RRN3: variants seen among roughly 807,000 people sequenced by gnomAD.
RRN3 encodes RNA polymerase I-specific transcription initiation factor RRN3.
In RRN3, 38 loss-of-function variants were observed where a neutral mutation model predicts 82.3. The observed-to-expected ratio is 0.46, with a 90% CI of 0.36 to 0.61. The LOEUF is 0.61. Ranked by LOEUF, RRN3 falls within the 20% of genes least tolerant of loss-of-function variation. The probability of loss-of-function intolerance (pLI) is 0.00; values close to 1 mark genes in which losing one functional copy is unlikely to be tolerated. For missense variants in RRN3, 726 were observed against 793.1 expected, an observed-to-expected ratio of 0.92 and a Z score of 1.02; for synonymous variants, 284 against 284.3, an observed-to-expected ratio of 1.00 and a Z score of 0.01.
rs749684452 is a variant in RRN3, at chr16:15,065,385, A to G, written c.1554-14T>C. ...AGCTGGTACTTACTGTGGAACAAAA[A>G]AACAACACAGACAGAGGCATTAACA... is the stretch of plus-strand genomic sequence containing the variant. On this transcript the variant is annotated splice_polypyrimidine_tract_variant and intron_variant, in intron 15 of 17. Transcript: ENST00000198767. 6.2e-7 allele frequency: 1 copy of G among 1,611,382 alleles called. No individual in the cohort carries two copies. Among genetic ancestry groups the G allele is most frequent in the South Asian group, 1.1e-5 (1 of 90,928 alleles).
At chr16:15,083,805 C>T (rs1462206010) in intron 7 of RRN3, 2 of 440,502 alleles carry the variant, frequency 4.5e-6, no homozygotes, top group African/African-American at 2.1e-5. Flanking sequence ...CAACCTCCGC[C>T]TCCCAGGTTC....
In RRN3 at chr16:15,061,022, T is replaced by C. The variant is rs2044691147; in HGVS notation, c.*722A>G. On this transcript the variant is annotated 3_prime_UTR_variant, in exon 18 of 18. Transcript: ENST00000198767. ...TTACATCTACCTGGACCTCCATTTT[T>C]GTCTTTTAAATCCATTTTTTCGCTG... is the stretch of plus-strand genomic sequence containing the variant. 6.6e-6 allele frequency: 1 copy of C among 152,246 alleles called. No individual in the cohort carries two copies. Among genetic ancestry groups the C allele is most frequent in the Non-Finnish European group, 1.5e-5 (1 of 68,054 alleles). The allele number at this position is 152,246 out of a possible 1,614,324, so 9.4% of individuals were successfully genotyped here. A position where few individuals can be genotyped will look rare whatever the true frequency, so the allele number is the denominator to read the frequency against.
intron 9 of RRN3, among the ~76,000 whole-genome samples, chr16:15,079,172 A>T (rs56181684): frequency 2.6e-5 from 4 of 151,416 alleles, no homozygotes; most frequent in Admixed American, 2.0e-4. Context: ...CAGGGAGCAA[A>T]GTTGAAGGAT....
intron 3 of RRN3, among the ~76,000 whole-genome samples, chr16:15,089,196 T>A (rs1028872071): frequency 1.3e-5 from 2 of 151,032 alleles, no homozygotes; most frequent in Non-Finnish European, 3.0e-5. Context: ...GAGGCTGAGG[T>A]GGGAGGATGG....
chr16:15,092,552 C>T lies in RRN3; in HGVS notation c.152G>A (p.Arg51Gln), dbSNP rs757785089. The T allele has an allele frequency of 2.5e-6, 4 of 1,613,620 alleles. No homozygotes were observed. The South Asian group carries it at 3.3e-5, about 13-fold the overall frequency. The change falls in exon 2 of 18, where the codon CGG (arginine) becomes CAG (glutamine). Residue 51 changes from arginine to glutamine, a missense_variant. Physicochemically the swap from Arg to Gln is conservative, Grantham distance 43 (BLOSUM62 1). Coordinates refer to ENST00000198767, the MANE Select transcript of RRN3 (RefSeq NM_018427.5). The stretch of plus-strand genomic sequence containing the variant: ...GACTTCTGTCACAGTTCCACCAAAC[C>T]GAACAGTTTTTCTTGGGGGAGAATT... ...FFNSPPRKTV[R>Q]FGGTVTEVLL...
Position 15,092,583 on chromosome 16 carries a change from A to T in RRN3, c.121T>A (p.Phe41Ile), listed in dbSNP as rs150087182. 1.3e-3 allele frequency: 2,107 copies of T among 1,613,240 alleles called. 3 individuals carry two copies. Among genetic ancestry groups the T allele is most frequent in the South Asian group, 1.6e-3 (146 of 91,038 alleles). ...ISNMRALENDFFNSPPRKTVR... is the reference protein window; with the variant it reads ...ISNMRALENDIFNSPPRKTVR... The stretch of plus-strand genomic sequence containing the variant: ...GTTTTTCTTGGGGGAGAATTGAAAA[A>T]GTCATTCTCTAATGCACGCATATTT... Residue 41 changes from phenylalanine to isoleucine, a missense_variant, in exon 2 of 18, where the codon TTT becomes ATT. Physicochemically the swap from Phe to Ile is conservative, Grantham distance 21. Coordinates refer to ENST00000198767, the MANE Select transcript of RRN3 (RefSeq NM_018427.5).
At chr16:15,090,661 T>C (rs1374505403) in intron 3 of RRN3, among the ~76,000 whole-genome samples, 3 of 152,146 alleles carry the variant, frequency 2.0e-5, no homozygotes, top group African/African-American at 4.8e-5. Flanking sequence ...CAGTGGAAAA[T>C]AGAGGCAGAG....
intron 3 of RRN3, among the ~76,000 whole-genome samples, chr16:15,090,804 A>G (rs1370212186): frequency 6.6e-6 from 1 of 152,210 alleles, no homozygotes; most frequent in Admixed American, 6.5e-5. Flanking sequence ...GAATGGTGAA[A>G]CAAAATGCAT....
At chr16:15,073,636 A>T (rs2045333555) in intron 11 of RRN3, among the ~76,000 whole-genome samples, 1 of 152,194 alleles carries the variant, frequency 6.6e-6, no homozygotes. Context: ...CAATTCTATC[A>T]TTCGTGTAGC....
intron 13 of RRN3, 73 bp downstream of exon 13, chr16:15,071,048 T>C: frequency 7.4e-7 from 1 of 1,348,598 alleles, no homozygotes; most frequent in Non-Finnish European, 1.0e-6. Flanking sequence ...GGGAGATATT[T>C]CTGACTTGAG....
chr16:15,086,694 A>G (rs1370493912), intron 3 of RRN3, among the ~76,000 whole-genome samples: 1 of 152,238 alleles, frequency 6.6e-6, no homozygotes, highest in Non-Finnish European at 1.5e-5. Context: ...GCAATACTTC[A>G]GCCTGATCAC....
rs375118277 is a variant in RRN3, at chr16:15,094,188, C to T, written c.46G>A (p.Ala16Thr). The part of the protein sequence containing the change: ...LHTRLPGDAA[A>T]SSSAVKKLGA... The stretch of plus-strand genomic sequence containing the variant: ...AGCTTCTTAACTGCAGAGGACGAAG[C>T]GGCCGCATCTCCCGGCAAACGCGTG... The change falls in exon 1 of 18, where the codon GCT becomes ACT. Residue 16 changes from alanine (A) to threonine (T), a missense_variant. Transcript: ENST00000198767. 37 of 1,601,198 alleles carry T rather than the reference C, an allele frequency of 2.3e-5. No homozygotes were observed. The highest frequency in any genetic ancestry group is 2.9e-5 in the Non-Finnish European group (34 of 1,174,426).
chr16:15,073,464 AAAAG>A (rs546270869), intron 11 of RRN3, among the ~76,000 whole-genome samples: 1 of 152,350 alleles, frequency 6.6e-6, no homozygotes, highest in Admixed American at 6.5e-5. Flanking sequence ...ATTTAAAAAA[AAAAG>A]AAAGACAGAC....
chr16:15,073,475 A>C (rs1394327580), intron 11 of RRN3, among the ~76,000 whole-genome samples: 2 of 152,204 alleles, frequency 1.3e-5, no homozygotes, highest in Admixed American at 1.3e-4. Flanking sequence ...AAAGAAAGAC[A>C]GACATTATCC....
chr16:15,062,442 T>C (rs1346640893), intron 17 of RRN3, among the ~76,000 whole-genome samples: 1 of 152,098 alleles, frequency 6.6e-6, no homozygotes, highest in Non-Finnish European at 1.5e-5. Flanking sequence ...AAAAAAGCCA[T>C]CTTGAAGCTG....
At chr16:15,089,668 CGG>C (rs2046044340) in intron 3 of RRN3, among the ~76,000 whole-genome samples, 1 of 148,928 alleles carries the variant, frequency 6.7e-6, no homozygotes, top group Non-Finnish European at 1.5e-5. Flanking sequence ...GCGGTGGTGG[CGG>C]GCGAGTGTAG....
chr16:15,092,995 T>G (rs1296111072), intron 1 of RRN3, among the ~76,000 whole-genome samples: 1 of 152,196 alleles, frequency 6.6e-6, no homozygotes. Flanking sequence ...TTTTCCCAAA[T>G]CTCTACGTGG....
chr16:15,087,754 C>G (rs1268862309), intron 3 of RRN3, among the ~76,000 whole-genome samples: 1 of 152,144 alleles, frequency 6.6e-6, no homozygotes, highest in East Asian at 1.9e-4. Flanking sequence ...ATAAACTATC[C>G]TATCTCTTTT....
intron 3 of RRN3, among the ~76,000 whole-genome samples, chr16:15,090,069 G>T (rs1356366158): frequency 6.6e-6 from 1 of 151,310 alleles, no homozygotes; most frequent in Non-Finnish European, 1.5e-5. Context: ...AATTAACCAG[G>T]CATGGTGGCG....
Sources: allele counts gnomAD v4.1 joint callset (sites outside exome capture counted in the v4.1 genomes callset), GRCh38; gene constraint gnomAD v4.1.1; transcripts MANE v1.5; gene names NCBI Gene and HGNC (gene_info 2026-07-23, HGNC 2026-07-21).